NLGN1: variants seen among roughly 807,000 people sequenced by gnomAD.
NLGN1 encodes the protein neuroligin-1.
Under a neutral mutation model 65.5 loss-of-function variants are expected in NLGN1, and 12 were observed. The observed-to-expected ratio is 0.18, with a 90% CI of 0.12 to 0.30. The LOEUF (loss-of-function observed/expected upper bound fraction) is 0.30, where lower values mean the gene tolerates loss of function less well. Ranked by LOEUF, NLGN1 falls within the 10% of genes least tolerant of loss-of-function variation. The pLI is 1.00. For missense variants in NLGN1, 750 were observed against 1,007.1 expected, an observed-to-expected ratio of 0.74 and a Z score of 3.46; for synonymous variants, 350 against 359.5, an observed-to-expected ratio of 0.97 and a Z score of 0.30.
chr3:174,281,472 A>C, exon 7 of NLGN1: 2 of 514,426 alleles, frequency 3.9e-6, no homozygotes, highest in South Asian at 3.9e-5. Flanking sequence ...GTATATATAC[A>C]AATCAACTTT....
rs574034909 is a variant in NLGN1 at position 173,635,174 on chromosome 3, C to T, written c.493+30083C>T. 4.6e-5 allele frequency among the ~76,000 whole-genome samples: 7 copies of T among 151,900 alleles called. No homozygotes were observed. The South Asian group carries it at 1.3e-3, about 27-fold the overall frequency. ...CAGAGTATTTTATGTTCCCACCTGC[C>T]CTTTGCTTCTTATATACACATCATC... On this transcript the variant is annotated intron_variant, in intron 3 of 6. Transcript: ENST00000457714.
rs563697030 is a variant in NLGN1 at position 174,130,692 on chromosome 3, C to G, written c.647-144623C>G. Among the ~76,000 whole-genome samples, 87 of 151,954 alleles carry G rather than the reference C, an allele frequency of 5.7e-4. 1 individual carries two copies. The highest frequency in any genetic ancestry group is 1.9e-3 in the African/African-American group (78 of 41,422). Reference sequence around the variant, plus strand: ...AAGGTGTAGCAGGTGACGCAGACAACAAGAATAAAAGCAAAGGGACAGAAT... The same window carrying G: ...AAGGTGTAGCAGGTGACGCAGACAAGAAGAATAAAAGCAAAGGGACAGAAT... On this transcript the variant is annotated intron_variant, in intron 4 of 6. Coordinates refer to ENST00000457714, the Ensembl canonical transcript of NLGN1.
intron 4 of NLGN1, among the ~76,000 whole-genome samples, chr3:173,874,997 T>C (rs1460219435): frequency 2.6e-5 from 4 of 152,226 alleles, no homozygotes; most frequent in Non-Finnish European, 5.9e-5. Context: ...CAACTACTTA[T>C]GTTTAGTAAC....
chr3:173,702,717 C>T (rs1349222460), intron 3 of NLGN1, among the ~76,000 whole-genome samples: 1 of 152,000 alleles, frequency 6.6e-6, no homozygotes, highest in Non-Finnish European at 1.5e-5. Flanking sequence ...TTTAGAAGCC[C>T]AGGTTTGTGG....
intron 4 of NLGN1, among the ~76,000 whole-genome samples, chr3:173,891,885 C>A (rs1414359392): frequency 6.6e-6 from 1 of 152,192 alleles, no homozygotes; most frequent in East Asian, 1.9e-4. Flanking sequence ...CACTGCCTCA[C>A]ACCTTGCGGT....
At chr3:173,954,372 A>G (rs1309572047) in intron 4 of NLGN1, among the ~76,000 whole-genome samples, 1 of 151,854 alleles carries the variant, frequency 6.6e-6, no homozygotes, top group Non-Finnish European at 1.5e-5. Flanking sequence ...GGGAAGTGTA[A>G]AAGGTTATTA....
chr3:173,667,033 T>G (rs1482998118), intron 3 of NLGN1, among the ~76,000 whole-genome samples: 2 of 152,148 alleles, frequency 1.3e-5, no homozygotes, highest in Non-Finnish European at 2.9e-5. Flanking sequence ...ATAATCACAT[T>G]GTACTTTACA....
intron 4 of NLGN1, among the ~76,000 whole-genome samples, chr3:173,835,040 T>A (rs1723339408): frequency 6.6e-6 from 1 of 152,332 alleles, no homozygotes; most frequent in African/African-American, 2.4e-5. Context: ...AATTTTCTGA[T>A]AACTAATAAT....
intron 4 of NLGN1, among the ~76,000 whole-genome samples, chr3:174,209,214 G>A (rs879335609): frequency 2.0e-5 from 3 of 152,084 alleles, no homozygotes; most frequent in South Asian, 2.1e-4. Context: ...GTGAACCACC[G>A]TGCCCGACCT....
intron 2 of NLGN1, among the ~76,000 whole-genome samples, chr3:173,589,986 T>A (rs1748190693): frequency 6.6e-6 from 1 of 152,170 alleles, no homozygotes; most frequent in Non-Finnish European, 1.5e-5. Flanking sequence ...AATATTGAGT[T>A]GATAAAATCC....
At chr3:173,602,926 G>A (rs1750777640) in intron 2 of NLGN1, among the ~76,000 whole-genome samples, 1 of 152,066 alleles carries the variant, frequency 6.6e-6, no homozygotes, top group African/African-American at 2.4e-5. Context: ...ATATTAATGT[G>A]CTTTCACAGC....
intron 2 of NLGN1, among the ~76,000 whole-genome samples, chr3:173,567,502 T>G (rs1431288225): frequency 6.6e-6 from 1 of 151,918 alleles, no homozygotes; most frequent in African/African-American, 2.4e-5. Context: ...TGCTTCAAAT[T>G]TCTGGAATTC....
chr3:173,998,470 G>A (rs193299377), intron 4 of NLGN1, among the ~76,000 whole-genome samples: 17 of 152,240 alleles, frequency 1.1e-4, no homozygotes, highest in South Asian at 4.1e-4. Context: ...ACAATAAAAT[G>A]TACCTTCAAT....
At chr3:174,092,131 T>C (rs150758824) in intron 4 of NLGN1, among the ~76,000 whole-genome samples, 9 of 152,286 alleles carry the variant, frequency 5.9e-5, no homozygotes, top group African/African-American at 2.2e-4. Flanking sequence ...AGCCCATGAA[T>C]ATGTGCTATA....
intron 3 of NLGN1, among the ~76,000 whole-genome samples, chr3:173,660,663 CA>C (rs1251036022): frequency 2.0e-5 from 3 of 151,768 alleles, no homozygotes; most frequent in Non-Finnish European, 2.9e-5. Context: ...TTACATGGGA[CA>C]AAAACTGCTT....
intron 3 of NLGN1, among the ~76,000 whole-genome samples, chr3:173,778,295 A>G (rs566883072): frequency 6.6e-6 from 1 of 151,946 alleles, no homozygotes; most frequent in Non-Finnish European, 1.5e-5. Context: ...TAAATTAACC[A>G]AATGAAGTAC....
At chr3:173,409,906 A>G (rs1712149894) in intron 1 of NLGN1, among the ~76,000 whole-genome samples, 1 of 152,122 alleles carries the variant, frequency 6.6e-6, no homozygotes, top group Non-Finnish European at 1.5e-5. Flanking sequence ...TACTAGAAGG[A>G]TGTTTTAGGG....
chr3:173,559,499 G>A (rs1236200009), intron 2 of NLGN1, among the ~76,000 whole-genome samples: 1 of 152,094 alleles, frequency 6.6e-6, no homozygotes, highest in Non-Finnish European at 1.5e-5. Context: ...ATTCATTAAG[G>A]CTTTCTAGCA....
chr3:173,871,455 G>A (rs1021007355), intron 4 of NLGN1, among the ~76,000 whole-genome samples: 5 of 152,152 alleles, frequency 3.3e-5, no homozygotes, highest in Non-Finnish European at 5.9e-5. Context: ...GCCACTAGAC[G>A]TAGACAGATC....
Sources: gnomAD v4.1 joint callset for allele counts (sites outside exome capture counted in the v4.1 genomes callset) on GRCh38, gnomAD v4.1.1 for gene constraint, MANE v1.5 for transcripts, NCBI Gene and HGNC (gene_info 2026-07-23, HGNC 2026-07-21) for gene names.